The following NCAM2 variants were observed in gnomAD, a reference collection of about 807,000 sequenced individuals.
NCAM2 encodes N-CAM-2.
NCAM2 carries 30 observed loss-of-function variants against 98.1 expected under a neutral mutation model. The observed-to-expected ratio is 0.31, with a 90% CI of 0.23 to 0.41. The LOEUF (loss-of-function observed/expected upper bound fraction) is 0.41, where lower values mean the gene tolerates loss of function less well. NCAM2 is among the 10% of genes least tolerant of loss of function. The probability of loss-of-function intolerance (pLI) is 1.00; values close to 1 mark genes in which losing one functional copy is unlikely to be tolerated. For synonymous variants in NCAM2, 368 were observed against 342.4 expected (o/e 1.07, Z -0.83); for missense variants, 867 against 1,005.8 (o/e 0.86, Z 1.87).
chr21:21,462,923 C>T (rs1295608019), intron 12 of NCAM2, among the ~76,000 whole-genome samples: 2 of 152,036 alleles, frequency 1.3e-5, no homozygotes, highest in African/African-American at 2.4e-5. Context: ...AAAGCTTTTA[C>T]TAGTTTGTAA....
Position 21,538,682 on chromosome 21 carries a change from C to T in NCAM2, c.*725C>T, listed in dbSNP as rs1990110744. ...TCTTTATATATGTCCTATTCATTCACAATGGATTATACAAAAAAAAGTGTA... is the reference window on the plus strand; with the variant it reads ...TCTTTATATATGTCCTATTCATTCATAATGGATTATACAAAAAAAAGTGTA... On this transcript the variant is annotated 3_prime_UTR_variant, in exon 18 of 18. Coordinates refer to ENST00000400546, the MANE Select transcript of NCAM2 (RefSeq NM_004540.5). 6.6e-6 allele frequency: 1 copy of T among 151,880 alleles called. No homozygotes were observed. Among genetic ancestry groups the T allele is most frequent in the Non-Finnish European group, 1.5e-5 (1 of 67,960 alleles). The allele number at this position is 151,880 out of a possible 1,614,324, so 9.4% of individuals were successfully genotyped here.
At chr21:21,039,397 TATTA>T (rs1171873654) in intron 1 of NCAM2, among the ~76,000 whole-genome samples, 1 of 152,178 alleles carries the variant, frequency 6.6e-6, no homozygotes, top group Non-Finnish European at 1.5e-5. Flanking sequence ...GGGTGACTAA[TATTA>T]ACATCAACGC....
At chr21:21,003,982 C>T (rs34139638) in intron 1 of NCAM2, among the ~76,000 whole-genome samples, 7,640 of 152,064 alleles carry the variant, frequency 0.05, 262 homozygotes, top group Non-Finnish European at 0.082. Context: ...TATCATGAAT[C>T]CTTTCTATGG....
intron 12 of NCAM2, among the ~76,000 whole-genome samples, chr21:21,440,761 A>T (rs960433415): frequency 1.4e-4 from 22 of 152,104 alleles, no homozygotes; most frequent in Admixed American, 9.8e-4. Flanking sequence ...AAAAAAATGG[A>T]TTAATAAGAA....
chr21:21,240,836 A>C (rs1381101353), intron 1 of NCAM2, among the ~76,000 whole-genome samples: 1 of 152,172 alleles, frequency 6.6e-6, no homozygotes, highest in Non-Finnish European at 1.5e-5. Flanking sequence ...TCTGAAAACA[A>C]TGGGGATAAT....
At chr21:21,103,647 T>G (rs2066288077) in intron 1 of NCAM2, among the ~76,000 whole-genome samples, 1 of 152,030 alleles carries the variant, frequency 6.6e-6, no homozygotes, top group Non-Finnish European at 1.5e-5. Flanking sequence ...GCATGCTCAG[T>G]TTGTTGGTTA....
At chr21:21,439,183 A>G (rs982111971) in intron 12 of NCAM2, among the ~76,000 whole-genome samples, 4 of 151,792 alleles carry the variant, frequency 2.6e-5, no homozygotes, top group African/African-American at 9.7e-5. Context: ...CAGCGGCACA[A>G]TCATAGCTCA....
intron 1 of NCAM2, among the ~76,000 whole-genome samples, chr21:21,157,873 T>G (rs2067663061): frequency 6.6e-6 from 1 of 152,186 alleles, no homozygotes; most frequent in Non-Finnish European, 1.5e-5. Context: ...TGGAAAGTTC[T>G]TTCTCCAGTT....
At chr21:21,079,209 A>C (rs1316129620) in intron 1 of NCAM2, among the ~76,000 whole-genome samples, 1 of 152,198 alleles carries the variant, frequency 6.6e-6, no homozygotes, top group Non-Finnish European at 1.5e-5. Flanking sequence ...ATAAAAAACA[A>C]ACAAACAAAA....
intron 9 of NCAM2, among the ~76,000 whole-genome samples, chr21:21,398,917 C>T (rs908714907): frequency 2.0e-5 from 3 of 152,130 alleles, no homozygotes; most frequent in African/African-American, 7.2e-5. Context: ...GGAGGAAAAG[C>T]AGGTTTATTC....
At chr21:21,327,306 CAAA>C (rs11384559) in intron 6 of NCAM2, among the ~76,000 whole-genome samples, 4 of 82,178 alleles carry the variant, frequency 4.9e-5, no homozygotes, top group Admixed American at 1.6e-4. Flanking sequence ...GACTCTGTCT[CAAA>C]AAAAAAAAAA....
chr21:21,087,758 G>A (rs1156527941), intron 1 of NCAM2, among the ~76,000 whole-genome samples: 2 of 152,088 alleles, frequency 1.3e-5, no homozygotes, highest in African/African-American at 4.8e-5. Flanking sequence ...TTTAGATCCT[G>A]GTCTTGCAAT....
chr21:21,280,050 A>G (rs1372226071), intron 1 of NCAM2, among the ~76,000 whole-genome samples: 1 of 152,152 alleles, frequency 6.6e-6, no homozygotes, highest in Non-Finnish European at 1.5e-5. Flanking sequence ...TCCTTCACTT[A>G]ACTTTCTGAT....
intron 1 of NCAM2, among the ~76,000 whole-genome samples, chr21:21,111,790 A>G (rs940667650): frequency 7.9e-5 from 12 of 152,130 alleles, no homozygotes; most frequent in South Asian, 2.1e-4. Flanking sequence ...AGGTTTGAGG[A>G]AAGTGGGAGA....
chr21:21,182,348 A>G (rs191952730), intron 1 of NCAM2, among the ~76,000 whole-genome samples: 1 of 152,294 alleles, frequency 6.6e-6, no homozygotes, highest in African/African-American at 2.4e-5. Flanking sequence ...AGAGGCAAAC[A>G]TCTCTACCAT....
chr21:21,376,946 T>G (rs1165952365), intron 9 of NCAM2, among the ~76,000 whole-genome samples: 2 of 151,758 alleles, frequency 1.3e-5, no homozygotes, highest in Admixed American at 1.3e-4. Flanking sequence ...AGAGGGTAGC[T>G]AGATTAATAT....
chr21:21,017,869 G>C (rs546167482), intron 1 of NCAM2, among the ~76,000 whole-genome samples: 16 of 151,420 alleles, frequency 1.1e-4, no homozygotes, highest in African/African-American at 3.6e-4. Flanking sequence ...ATATATATTT[G>C]TGTGTGTGTA....
At chr21:21,489,285 G>A (rs902699493) in intron 15 of NCAM2, among the ~76,000 whole-genome samples, 1 of 152,098 alleles carries the variant, frequency 6.6e-6, no homozygotes, top group Non-Finnish European at 1.5e-5. Context: ...GTGAGCCATG[G>A]TGCCCAGCCT....
intron 15 of NCAM2, among the ~76,000 whole-genome samples, chr21:21,507,114 A>C (rs899030930): frequency 6.6e-6 from 1 of 151,886 alleles, no homozygotes; most frequent in African/African-American, 2.4e-5. Flanking sequence ...TTTTTGAAAA[A>C]AAAAATAAAA....
Sources: gnomAD v4.1 joint callset for allele counts (sites outside exome capture counted in the v4.1 genomes callset) on GRCh38, gnomAD v4.1.1 for gene constraint, MANE v1.5 for transcripts, NCBI Gene and HGNC (gene_info 2026-07-23, HGNC 2026-07-21) for gene names.